The following KIF27 variants were observed in gnomAD, a reference collection of about 807,000 sequenced individuals.
KIF27 encodes kinesin family member 27.
In KIF27, 84 loss-of-function variants were observed where a neutral mutation model predicts 141.8. The observed-to-expected ratio is 0.59, with a 90% CI of 0.50 to 0.71. The LOEUF is 0.71. KIF27 is among the 30% of genes least tolerant of loss of function. The pLI is 0.00. For missense variants in KIF27, 1,306 were observed against 1,628.4 expected (o/e 0.80, Z 3.41); for synonymous variants, 471 against 569.5 (o/e 0.83, Z 2.46).
chr9:83,909,218 G>C (rs1301244175), intron 2 of KIF27, among the ~76,000 whole-genome samples: 1 of 152,170 alleles, frequency 6.6e-6, no homozygotes, highest in African/African-American at 2.4e-5. Flanking sequence ...AATACGGCAG[G>C]GTAGGGGGAC....
chr9:83,888,421 A>C (rs1454462838), intron 8 of KIF27, 68 bp downstream of exon 8: 1 of 648,496 alleles, frequency 1.5e-6, no homozygotes, highest in East Asian at 3.1e-5. Flanking sequence ...TTCTTAAATT[A>C]TCAACTGAGG....
At chr9:83,875,691 C>G (rs548620246) in intron 11 of KIF27, among the ~76,000 whole-genome samples, 2 of 152,134 alleles carry the variant, frequency 1.3e-5, no homozygotes, top group East Asian at 1.9e-4. Context: ...TATAACGTCA[C>G]AAAAGCAAGG....
At chr9:83,885,450 T>G (rs1459952434) in intron 9 of KIF27, among the ~76,000 whole-genome samples, 2 of 152,242 alleles carry the variant, frequency 1.3e-5, no homozygotes, top group Admixed American at 6.5e-5. Flanking sequence ...ATCATTTTTT[T>G]ATAAAAGTTA....
chr9:83,911,902 T>C (rs1411199492), intron 2 of KIF27, among the ~76,000 whole-genome samples: 9 of 152,146 alleles, frequency 5.9e-5, no homozygotes, highest in Non-Finnish European at 1.3e-4. Context: ...TATCAGAGAA[T>C]GCGGGGAGAG....
chr9:83,867,527 T>C (rs1428576035), intron 13 of KIF27, among the ~76,000 whole-genome samples, 157 bp downstream of exon 13: 3 of 138,888 alleles, frequency 2.2e-5, no homozygotes, highest in African/African-American at 8.1e-5. Flanking sequence ...TCCAAAGCAA[T>C]TGCACCATTT....
chr9:83,872,099 T>A (rs1950843898), intron 11 of KIF27, among the ~76,000 whole-genome samples: 1 of 150,950 alleles, frequency 6.6e-6, no homozygotes. Context: ...TGAGGCAGGC[T>A]GATCACCTGA....
rs553787227 is a variant in KIF27, at chr9:83,880,504, T to C, written c.2446-10A>G. 113 of 1,587,382 alleles carry C rather than the reference T, an allele frequency of 7.1e-5. No individual in the cohort carries two copies. Among genetic ancestry groups the C allele is most frequent in the East Asian group, 1.8e-4 (8 of 44,774 alleles). On this transcript the variant is annotated splice_polypyrimidine_tract_variant and intron_variant, in intron 10 of 17. Coordinates refer to ENST00000297814, the MANE Select transcript of KIF27 (RefSeq NM_017576.4). Reference sequence around the variant, plus strand: ...GCTTCTTCTGCAAGACCTGAGATCATATGGAATATTTCAAAATGAAAAACT... The same window carrying C: ...GCTTCTTCTGCAAGACCTGAGATCACATGGAATATTTCAAAATGAAAAACT...
chr9:83,904,899 G>T, intron 3 of KIF27, among the ~76,000 whole-genome samples: 1 of 150,228 alleles, frequency 6.7e-6, no homozygotes, highest in African/African-American at 2.4e-5. Flanking sequence ...AATAGGTATG[G>T]TTTATAAATA....
intron 1 of KIF27, among the ~76,000 whole-genome samples, chr9:83,918,794 A>C (rs1042550404): frequency 2.6e-5 from 4 of 152,014 alleles, no homozygotes; most frequent in African/African-American, 9.7e-5. Flanking sequence ...TACAAAAATT[A>C]GCCAGGCGCA....
intron 16 of KIF27, among the ~76,000 whole-genome samples, chr9:83,843,185 G>C (rs1369915268): frequency 6.8e-6 from 1 of 146,260 alleles, no homozygotes; most frequent in Non-Finnish European, 1.5e-5. Flanking sequence ...GTTAAAAGAG[G>C]CCATAAAGAC....
At chr9:83,905,627 A>C (rs1020081212) in intron 3 of KIF27, among the ~76,000 whole-genome samples, 3 of 152,186 alleles carry the variant, frequency 2.0e-5, no homozygotes, top group South Asian at 4.1e-4. Context: ...AAAGTCCTGT[A>C]AGTCATAGTA....
intron 9 of KIF27, among the ~76,000 whole-genome samples, chr9:83,886,452 A>G (rs1952112740): frequency 1.3e-5 from 2 of 152,112 alleles, no homozygotes; most frequent in African/African-American, 4.8e-5. Flanking sequence ...TTACTTTTCA[A>G]TGCCCTCTCA....
chr9:83,895,598 TAC>T (rs1419309766), intron 5 of KIF27, among the ~76,000 whole-genome samples: 3 of 151,864 alleles, frequency 2.0e-5, no homozygotes, highest in African/African-American at 7.3e-5. Context: ...AAAATTCACA[TAC>T]TATAGAATCC....
Position 83,848,272 on chromosome 9 carries a change from G to GATATATATGATATATCAT in KIF27, c.3556+1826_3556+1827insATGATATATCATATATAT, listed in dbSNP as rs1311097957. ...CAGATATGATATATATGATATATCAGATATGATATATATGATATATCAGAT... is the reference window on the plus strand; with the variant it reads ...CAGATATGATATATATGATATATCAGATATATATGATATATCATATATGATATATATGATATATCAGAT... On this transcript the variant is annotated intron_variant, in intron 16 of 17. Coordinates refer to ENST00000297814, the MANE Select transcript of KIF27 (RefSeq NM_017576.4). Among the ~76,000 whole-genome samples the GATATATATGATATATCAT allele has an allele frequency of 1.1e-4, 8 of 72,624 alleles. 1 individual carries two copies. Among genetic ancestry groups the GATATATATGATATATCAT allele is most frequent in the South Asian group, 3.7e-4 (1 of 2,690 alleles). 47.6% of individuals were successfully genotyped at this position (72,624 alleles called of 152,430 possible). A position where few individuals can be genotyped will look rare whatever the true frequency, so the allele number is the denominator to read the frequency against.
At chr9:83,853,181 C>T (rs1331123719) in intron 15 of KIF27, among the ~76,000 whole-genome samples, 1 of 152,110 alleles carries the variant, frequency 6.6e-6, no homozygotes, top group East Asian at 1.9e-4. Context: ...GCCACTGATA[C>T]ACCACTTCAT....
At position 83,853,610 on chromosome 9, in the gene KIF27, C is replaced by A. The variant is rs1948855834; in HGVS notation, c.3357+19G>T. 1.3e-6 allele frequency: 2 copies of A among 1,565,724 alleles called. No individual in the cohort carries two copies. The highest frequency in any genetic ancestry group is 4.5e-5 in the East Asian group (2 of 44,606). ...GACCCATCTTTATAAGAAAAATATT[C>A]TGACCCTCAAAAACAAACCTTATTG... On this transcript the variant is annotated intron_variant, in intron 15 of 17. Coordinates refer to ENST00000297814, the MANE Select transcript of KIF27 (RefSeq NM_017576.4).
rs1945664558 is a variant in KIF27 at position 83,835,017 on chromosome 9, A to G, written c.*1984T>C. 6.7e-6 allele frequency among the ~76,000 whole-genome samples: 1 copy of G among 148,732 alleles called. No individual in the cohort carries two copies. The highest frequency in any genetic ancestry group is 2.5e-5 in the African/African-American group (1 of 40,098). On this transcript the variant is annotated 3_prime_UTR_variant, in exon 18 of 18. Transcript: ENST00000297814. ...AAGCACAGCAATAATATATTTAAAT[A>G]AATATGTATTTATTAACAAAGATCC...
intron 14 of KIF27, 129 bp from the exon 15 acceptor site, chr9:83,853,964 G>GT: frequency 1.4e-6 from 1 of 701,610 alleles, no homozygotes; most frequent in Non-Finnish European, 2.4e-6. Flanking sequence ...TTAAGAAAAT[G>GT]TTTTTTGAGC....
At chr9:83,914,225 C>A (rs1343995855) in intron 2 of KIF27, among the ~76,000 whole-genome samples, 19 of 143,630 alleles carry the variant, frequency 1.3e-4, no homozygotes, top group Admixed American at 2.8e-4. Flanking sequence ...AAAAAAAAAA[C>A]CCTACAATCC....
Sources: allele counts gnomAD v4.1 joint callset (sites outside exome capture counted in the v4.1 genomes callset), GRCh38; gene constraint gnomAD v4.1.1; transcripts MANE v1.5; gene names NCBI Gene and HGNC (gene_info 2026-07-23, HGNC 2026-07-21).